The following THRAP3 variants were observed in gnomAD, a reference collection of about 807,000 sequenced individuals.
The protein encoded by THRAP3 is thyroid hormone receptor-associated protein 3.
Under a neutral mutation model 101.0 loss-of-function variants are expected in THRAP3, and 16 were observed. The ratio of observed to expected loss-of-function variants is 0.16; its 90% CI spans 0.11 to 0.24. THRAP3 has a LOEUF of 0.24. THRAP3 is among the 10% of genes least tolerant of loss of function. The pLI is 1.00. For missense variants in THRAP3, 989 were observed against 1,202.7 expected, an observed-to-expected ratio of 0.82 and a Z score of 2.63; for synonymous variants, 407 against 422.6, an observed-to-expected ratio of 0.96 and a Z score of 0.45.
At chr1:36,257,212 C>A (rs922351379) in intron 1 of THRAP3, among the ~76,000 whole-genome samples, 3 of 152,078 alleles carry the variant, frequency 2.0e-5, no homozygotes, top group Non-Finnish European at 4.4e-5. Context: ...CTTTTTCTTC[C>A]GTCTCTGCTC....
chr1:36,286,178 A>G lies in THRAP3; in HGVS notation c.138-190A>G, dbSNP rs904324254. ...GACCTGTGTTTCATCACTTGTTCAA[A>G]TGATTCTTATCCATGTTTTTGTACT... On this transcript the variant is annotated intron_variant, in intron 3 of 11. Coordinates refer to ENST00000354618, the MANE Select transcript of THRAP3 (RefSeq NM_005119.4). This position sits in a 1 kb window ranked among gnomAD's most constrained non-coding sequence, Gnocchi z 5.5. Among the ~76,000 whole-genome samples, 1 of 152,246 alleles carries G rather than the reference A, an allele frequency of 6.6e-6. No individual in the cohort carries two copies. Among genetic ancestry groups the G allele is most frequent in the African/African-American group, 2.4e-5 (1 of 41,474 alleles).
chr1:36,302,588 C>G (rs1646042999), intron 11 of THRAP3, among the ~76,000 whole-genome samples: 1 of 152,138 alleles, frequency 6.6e-6, no homozygotes, highest in Non-Finnish European at 1.5e-5. Flanking sequence ...AGAGTATTGC[C>G]AGCCTGATTC....
rs1048957998 is a variant in THRAP3 at position 36,275,850 on chromosome 1, G to A, written c.-31-6683G>A. The stretch of plus-strand genomic sequence containing the variant: ...AGTCTGGACAACATGGGGAGACCCC[G>A]TCTCTACAAAATACAAATATTAGCC... On this transcript the variant is annotated intron_variant, in intron 2 of 11. Transcript: ENST00000354618. Among the ~76,000 whole-genome samples the A allele has an allele frequency of 9.2e-5, 14 of 151,746 alleles. 1 individual carries two copies. The South Asian group carries it at 1.3e-3, about 14-fold the overall frequency.
At chr1:36,265,870 T>C (rs1407645495) in intron 2 of THRAP3, among the ~76,000 whole-genome samples, 1 of 151,928 alleles carries the variant, frequency 6.6e-6, no homozygotes, top group Non-Finnish European at 1.5e-5. Flanking sequence ...AATTGTGAAA[T>C]GGTCCAGATG....
intron 2 of THRAP3, among the ~76,000 whole-genome samples, chr1:36,266,797 C>T (rs1645519656): frequency 6.6e-6 from 1 of 152,054 alleles, no homozygotes; most frequent in Non-Finnish European, 1.5e-5. Context: ...ACAGTTGATA[C>T]CTATTTTCAG....
intron 3 of THRAP3, 134 bp downstream of exon 3, chr1:36,282,834 A>G (rs1313466631): frequency 4.5e-6 from 4 of 881,566 alleles, no homozygotes; most frequent in East Asian, 5.0e-5. Context: ...GGGTTGGGCT[A>G]TAAGATATTC....
chr1:36,216,429 G>A, the THRAP3 span, among the ~76,000 whole-genome samples: 3 of 147,548 alleles, frequency 2.0e-5, no homozygotes, highest in African/African-American at 5.1e-5. Flanking sequence ...CAGGAGAATC[G>A]CTTGAACTGG....
At chr1:36,239,228 C>T (rs1430390754) in intron 1 of THRAP3, among the ~76,000 whole-genome samples, 3 of 144,738 alleles carry the variant, frequency 2.1e-5, no homozygotes, top group African/African-American at 7.7e-5. Flanking sequence ...TCTGTAGAGG[C>T]GGGGTCTCCC....
chr1:36,213,720 G>A, the THRAP3 span, among the ~76,000 whole-genome samples: 10 of 151,632 alleles, frequency 6.6e-5, no homozygotes, highest in Non-Finnish European at 2.9e-5. Flanking sequence ...GGTGGCGTGC[G>A]CCTGTAATCC....
chr1:36,268,818 C>T (rs1357460556), intron 2 of THRAP3, among the ~76,000 whole-genome samples: 1 of 152,040 alleles, frequency 6.6e-6, no homozygotes, highest in East Asian at 1.9e-4. Context: ...CTCCACCTCC[C>T]AGGTTCAAGC....
chr1:36,208,890 C>T, the THRAP3 span, among the ~76,000 whole-genome samples: 179 of 150,666 alleles, frequency 1.2e-3, no homozygotes, highest in Non-Finnish European at 1.9e-3. Flanking sequence ...TGGTCTTGAA[C>T]TCCTGAGTGC....
rs774462971 is a variant in THRAP3 at position 36,303,839 on chromosome 1, G to A, written c.2690G>A (p.Arg897Gln). ...EGEGSDKWVS[R>Q]GRGRGAFPRG... ...GAAGGCAGTGACAAGTGGGTGAGCC[G>A]GGGCCGGGGCCGAGGAGCCTTTCCT... is the stretch of plus-strand genomic sequence containing the variant. Residue 897 changes from arginine (R) to glutamine (Q), a missense_variant, in exon 12 of 12, where the codon CGG becomes CAG. Transcript: ENST00000354618. The A allele has an allele frequency of 3.1e-6, 5 of 1,614,142 alleles. No homozygotes were observed. Among genetic ancestry groups the A allele is most frequent in the Admixed American group, 1.7e-5 (1 of 60,014 alleles).
rs1570348480 is a variant in THRAP3, at chr1:36,296,835, C to T, written c.2303+65C>T. 22 of 1,330,270 alleles carry T rather than the reference C, an allele frequency of 1.7e-5. No homozygotes were observed. The South Asian group carries it at 1.7e-4, about 10-fold the overall frequency. The allele number at this position is 1,330,270 out of a possible 1,614,324, so 82.4% of individuals were successfully genotyped here. A position where few individuals can be genotyped will look rare whatever the true frequency, so the allele number is the denominator to read the frequency against. On this transcript the variant is annotated intron_variant, in intron 9 of 11. Coordinates refer to ENST00000354618, the MANE Select transcript of THRAP3 (RefSeq NM_005119.4). ...TCTTGTCTGTCCCCTTTGGGCTATA[C>T]ACCAGAACTTTCAAATCAGAGGAGT... is the stretch of plus-strand genomic sequence containing the variant.
upstream of THRAP3, among the ~76,000 whole-genome samples, chr1:36,220,953 CA>C (rs1206488922): frequency 0.041 from 1,821 of 44,290 alleles, 32 homozygotes; most frequent in East Asian, 0.1. Flanking sequence ...GAGACTGTCT[CA>C]AAAAAAAAAA....
rs1255263511 is a variant in THRAP3, at chr1:36,286,871, C to G, written c.641C>G (p.Thr214Arg). 3 of 1,614,102 alleles carry G rather than the reference C, an allele frequency of 1.9e-6. No individual in the cohort carries two copies. Among genetic ancestry groups the G allele is most frequent in the Non-Finnish European group, 2.5e-6 (3 of 1,179,954 alleles). Residue 214 changes from threonine (T) to arginine (R), a missense_variant, in exon 4 of 12, where the codon ACA (threonine) becomes AGA (arginine). Coordinates refer to ENST00000354618, the MANE Select transcript of THRAP3 (RefSeq NM_005119.4). This position sits in a 1 kb window ranked among gnomAD's most constrained non-coding sequence, Gnocchi z 5.5. ...TTCTCTGGAGGCACCTCTCAAGATACAAAAGCATCTGAGAGCTCGAAGCCA... is the reference window on the plus strand; with the variant it reads ...TTCTCTGGAGGCACCTCTCAAGATAGAAAAGCATCTGAGAGCTCGAAGCCA... ...QTFSGGTSQD[T>R]KASESSKPWP...
chr1:36,229,411 TG>T (rs747995462), intron 1 of THRAP3, among the ~76,000 whole-genome samples: 4,535 of 25,446 alleles, frequency 0.18, 61 homozygotes, highest in Middle Eastern at 0.44. Flanking sequence ...TTTTTTTTTT[TG>T]TTTTTTTTTT....
intron 7 of THRAP3, among the ~76,000 whole-genome samples, chr1:36,293,256 C>A (rs1645901300): frequency 6.6e-6 from 1 of 151,974 alleles, no homozygotes; most frequent in Admixed American, 6.6e-5. Context: ...CTTGAACTCT[C>A]AACCTCAGGT....
intron 1 of THRAP3, among the ~76,000 whole-genome samples, chr1:36,236,852 G>A (rs1048893496): frequency 7.2e-5 from 11 of 152,110 alleles, no homozygotes; most frequent in Non-Finnish European, 1.5e-4. Flanking sequence ...TAGCTCTGGA[G>A]TATGCATATA....
chr1:36,262,194 T>C (rs1023625725), intron 2 of THRAP3, among the ~76,000 whole-genome samples: 1 of 152,248 alleles, frequency 6.6e-6, no homozygotes, highest in Non-Finnish European at 1.5e-5. Context: ...TATTTTACTT[T>C]CTGTTTATAC....
Sources: gnomAD v4.1 joint callset for allele counts (sites outside exome capture counted in the v4.1 genomes callset) on GRCh38, gnomAD v4.1.1 for gene constraint, Gnocchi (gnomAD v3.1) non-coding constraint, MANE v1.5 for transcripts, NCBI Gene and HGNC (gene_info 2026-07-23, HGNC 2026-07-21) for gene names.